Variants in MAPK10 observed in about 807,000 individuals in gnomAD.
The protein encoded by MAPK10 is mitogen-activated protein kinase 10, also known as JNK3 alpha protein kinase.
MAPK10 carries 25 observed loss-of-function variants against 59.3 expected under a neutral mutation model. The ratio of observed to expected loss-of-function variants is 0.42; its 90% CI spans 0.31 to 0.59. MAPK10 has a LOEUF of 0.59. MAPK10 is among the 20% of genes least tolerant of loss of function. MAPK10 has a pLI of 0.15. For synonymous variants in MAPK10, 190 were observed against 200.5 expected (o/e 0.95, Z 0.44); for missense variants, 351 against 568.9 (o/e 0.62, Z 3.90).
chr4:86,049,951 A>C (rs2043210665), intron 11 of MAPK10, among the ~76,000 whole-genome samples: 1 of 148,898 alleles, frequency 6.7e-6, no homozygotes, highest in Admixed American at 6.7e-5. Flanking sequence ...GGAATGACTT[A>C]AAAGGTGTTT....
chr4:86,361,865 G>A (rs1448257918), upstream of MAPK10, among the ~76,000 whole-genome samples: 1 of 152,106 alleles, frequency 6.6e-6, no homozygotes, highest in Admixed American at 6.6e-5. Context: ...GTAGAATGGT[G>A]GTTACCAGTG....
intron 2 of MAPK10, among the ~76,000 whole-genome samples, chr4:86,302,120 G>A (rs928016019): frequency 5.3e-5 from 8 of 152,132 alleles, no homozygotes; most frequent in Middle Eastern, 3.2e-3. Context: ...ATAACCAGCC[G>A]AAGTCAGCAA....
chr4:86,193,517 C>T (rs2080442045), intron 3 of MAPK10: 1 of 152,200 alleles, frequency 6.6e-6, no homozygotes, highest in Non-Finnish European at 1.5e-5. Context: ...TGGCCTCTGC[C>T]CAGTTCGAAC....
intron 2 of MAPK10, among the ~76,000 whole-genome samples, chr4:86,293,108 T>C (rs1340915354): frequency 2.6e-5 from 4 of 152,196 alleles, no homozygotes; most frequent in Non-Finnish European, 5.9e-5. Context: ...TTCAGAACAA[T>C]CTAACATTTA....
chr4:86,576,033 G>C (rs1205543553), intron 1 of MAPK10, among the ~76,000 whole-genome samples: 1 of 150,824 alleles, frequency 6.6e-6, no homozygotes, highest in Admixed American at 6.6e-5. Flanking sequence ...ATTATATATT[G>C]CCCAGGCTGG....
chr4:86,435,863 CA>C (rs1432033922), intron 1 of MAPK10, among the ~76,000 whole-genome samples: 4 of 152,130 alleles, frequency 2.6e-5, no homozygotes, highest in African/African-American at 9.7e-5. Context: ...ATATTAGAAA[CA>C]AAACCTTCCA....
intron 3 of MAPK10, among the ~76,000 whole-genome samples, chr4:86,160,990 AAT>A (rs2069425687): frequency 6.6e-6 from 1 of 151,034 alleles, no homozygotes; most frequent in Non-Finnish European, 1.5e-5. Context: ...AGGAGAATAC[AAT>A]GGAGCCCATG....
chr4:86,464,580 C>T (rs555353529), intron 1 of MAPK10, among the ~76,000 whole-genome samples: 14 of 152,174 alleles, frequency 9.2e-5, no homozygotes, highest in South Asian at 6.2e-4. Context: ...CCAGCACTTT[C>T]GGATGCTGAG....
chr4:86,579,516 TACACACACACACAC>T (rs35878270), intron 1 of MAPK10, among the ~76,000 whole-genome samples: 34 of 146,292 alleles, frequency 2.3e-4, no homozygotes, highest in South Asian at 9.0e-4. Context: ...GATATGTGTA[TACACACACACACAC>T]ACACACACAC....
At position 86,345,854 on chromosome 4, in the gene MAPK10, T is replaced by A. The variant is rs28404815; in HGVS notation, c.-7+8676A>T. Among the ~76,000 whole-genome samples, 646 of 152,358 alleles carry A rather than the reference T, an allele frequency of 4.2e-3. 6 individuals are homozygous for A. The highest frequency in any genetic ancestry group is 0.015 in the African/African-American group (625 of 41,578). ...CATATTTATTCAAATGTGGTTTTAG[T>A]ACCTATGATCCAAAATCCATTACGA... On this transcript the variant is annotated intron_variant, in intron 2 of 13. Transcript: ENST00000641462.
Position 86,514,496 on chromosome 4 carries a change from T to C in MAPK10, c.-263+79414A>G, listed in dbSNP as rs147962054. ...AAGCCCCATTCCTAAATAAATGTTT[T>C]CTTTTAGAGAGTCCCCTCTATTGGT... is the stretch of plus-strand genomic sequence containing the variant. On this transcript the variant is annotated intron_variant, in intron 1 of 4. Transcript: ENST00000502302. 9.2e-3 allele frequency among the ~76,000 whole-genome samples: 1,401 copies of C among 152,304 alleles called. 33 individuals carry two copies. The highest frequency in any genetic ancestry group is 0.032 in the African/African-American group (1,348 of 41,562).
intron 1 of MAPK10, among the ~76,000 whole-genome samples, chr4:86,380,169 C>T (rs1740467608): frequency 6.6e-6 from 1 of 152,042 alleles, no homozygotes; most frequent in Non-Finnish European, 1.5e-5. Context: ...TTGTGGTGGG[C>T]CAAGATTGCA....
At chr4:86,180,990 T>C (rs1393934132) in intron 3 of MAPK10, among the ~76,000 whole-genome samples, 1 of 152,000 alleles carries the variant, frequency 6.6e-6, no homozygotes, top group East Asian at 1.9e-4. Context: ...AAGGAGGATA[T>C]TGAATGTTCT....
intron 2 of MAPK10, among the ~76,000 whole-genome samples, chr4:86,259,700 T>C (rs1026111009): frequency 6.6e-6 from 1 of 152,116 alleles, no homozygotes; most frequent in Non-Finnish European, 1.5e-5. Context: ...CTTGGTACAC[T>C]GAATTTTCTG....
At chr4:86,154,968 C>T (rs1406005314) in intron 4 of MAPK10, among the ~76,000 whole-genome samples, 1 of 152,024 alleles carries the variant, frequency 6.6e-6, no homozygotes, top group Non-Finnish European at 1.5e-5. Flanking sequence ...GGCCAACTTT[C>T]AATCACTTTT....
Position 86,550,374 on chromosome 4 carries a change from T to TAAAAAAAAA in MAPK10, c.-263+43527_-263+43535dup, listed in dbSNP as rs753508493. Among the ~76,000 whole-genome samples, 87 of 77,380 alleles carry TAAAAAAAAA rather than the reference T, an allele frequency of 1.1e-3. 18 individuals carry two copies. Among genetic ancestry groups the TAAAAAAAAA allele is most frequent in the Non-Finnish European group, 1.7e-3 (75 of 43,318 alleles). 50.8% of individuals were successfully genotyped at this position (77,380 alleles called of 152,430 possible). On this transcript the variant is annotated intron_variant, in intron 1 of 4. Transcript: ENST00000502302. ...CAGAAGGGCTAAGCAGAGCTTCAGT[T>TAAAAAAAAA]AAAAAAAAAAAAAAAAAAAAAAAAA... is the stretch of plus-strand genomic sequence containing the variant.
chr4:86,288,451 A>C (rs1013760997), intron 2 of MAPK10, among the ~76,000 whole-genome samples: 5 of 151,910 alleles, frequency 3.3e-5, no homozygotes, highest in Admixed American at 2.0e-4. Flanking sequence ...CTAAAATTTC[A>C]GATGCTTCCT....
intron 11 of MAPK10, among the ~76,000 whole-genome samples, chr4:86,057,683 A>G (rs2044872689): frequency 6.7e-6 from 1 of 150,172 alleles, no homozygotes; most frequent in Non-Finnish European, 1.5e-5. Flanking sequence ...GGTTCAGTCA[A>G]TATTTATAGA....
intron 2 of MAPK10, among the ~76,000 whole-genome samples, chr4:86,255,206 C>T (rs1378390978): frequency 6.6e-6 from 1 of 151,982 alleles, no homozygotes; most frequent in African/African-American, 2.4e-5. Context: ...TGGGATTTTG[C>T]TACTCATCCA....
Sources: gnomAD v4.1 joint callset for allele counts (sites outside exome capture counted in the v4.1 genomes callset) on GRCh38, gnomAD v4.1.1 for gene constraint, MANE v1.5 for transcripts, NCBI Gene and HGNC (gene_info 2026-07-23, HGNC 2026-07-21) for gene names.